Variants in DNAJC15 observed in about 807,000 individuals in gnomAD.
DNAJC15 encodes the protein dnaJ homolog subfamily C member 15.
A neutral mutation model predicts 22.4 loss-of-function variants in DNAJC15; 27 were observed. That is an observed-to-expected ratio of 1.20 (90% confidence interval 0.89 to 1.66). The LOEUF (loss-of-function observed/expected upper bound fraction) is 1.66, where lower values mean the gene tolerates loss of function less well. Ranked by LOEUF, DNAJC15 falls within the 40% of genes most tolerant of loss-of-function variation. The pLI, the probability that DNAJC15 is intolerant of heterozygous loss-of-function variation, is 0.00. For synonymous variants in DNAJC15, 79 were observed against 63.2 expected, an observed-to-expected ratio of 1.25 and a Z score of -1.19; for missense variants, 208 against 187.1, an observed-to-expected ratio of 1.11 and a Z score of -0.65.
At chr13:43,080,057 CTT>C in intron 4 of DNAJC15, among the ~76,000 whole-genome samples, 1 of 151,960 alleles carries the variant, frequency 6.6e-6, no homozygotes, top group Non-Finnish European at 1.5e-5. Context: ...ATGTGAATTT[CTT>C]TTTTTGGAAG....
At chr13:43,105,455 A>C (rs9533391) in intron 5 of DNAJC15, among the ~76,000 whole-genome samples, 37,364 of 152,078 alleles carry the variant, frequency 0.25, 4,941 homozygotes, top group Non-Finnish European at 0.31. Flanking sequence ...ATGAGGGTCA[A>C]AAGAACCAGT....
intron 1 of DNAJC15, among the ~76,000 whole-genome samples, chr13:43,028,305 C>T (rs2040389558): frequency 6.6e-6 from 1 of 152,170 alleles, no homozygotes; most frequent in African/African-American, 2.4e-5. Flanking sequence ...TGACTAGTGC[C>T]ATCATGTGCA....
rs1280648593 is a variant in DNAJC15, at chr13:43,110,651, TAGA to T, written c.*3406_*3408del. 3.9e-5 allele frequency: 6 copies of T among 152,200 alleles called. No homozygotes were observed. The highest frequency in any genetic ancestry group is 4.1e-4 in the South Asian group (2 of 4,828). 9.4% of individuals were successfully genotyped at this position (152,200 alleles called of 1,614,324 possible). A position where few individuals can be genotyped will look rare whatever the true frequency, so the allele number is the denominator to read the frequency against. On this transcript the variant is annotated 3_prime_UTR_variant, in exon 6 of 6. Coordinates refer to ENST00000379221, the MANE Select transcript of DNAJC15 (RefSeq NM_013238.3). Reference sequence around the variant, plus strand: ...GATCTCCACAACTATACCTACATAGTAGAAGGTTAAAATGTATCCCTCTTTTTC... The same window carrying T: ...GATCTCCACAACTATACCTACATAGTAGGTTAAAATGTATCCCTCTTTTTC...
At chr13:43,081,156 A>G (rs530428368) in intron 4 of DNAJC15, among the ~76,000 whole-genome samples, 1 of 152,358 alleles carries the variant, frequency 6.6e-6, no homozygotes, top group Non-Finnish European at 1.5e-5. Flanking sequence ...GTGTCCTGCA[A>G]TATGACTCAT....
At chr13:43,051,256 G>C (rs1402374201) in intron 1 of DNAJC15, among the ~76,000 whole-genome samples, 1 of 152,172 alleles carries the variant, frequency 6.6e-6, no homozygotes, top group Non-Finnish European at 1.5e-5. Flanking sequence ...GGGATTACAG[G>C]CGTGAGCCAC....
intron 1 of DNAJC15, among the ~76,000 whole-genome samples, chr13:43,054,794 A>G (rs1020334471): frequency 6.6e-6 from 1 of 152,150 alleles, no homozygotes; most frequent in Admixed American, 6.5e-5. Flanking sequence ...GACGGGGAGA[A>G]GAGAGTCCCT....
At position 43,108,271 on chromosome 13, in the gene DNAJC15, AATAGAT is replaced by A. The variant is rs1260928045; in HGVS notation, c.*1027_*1032del. On this transcript the variant is annotated 3_prime_UTR_variant, in exon 6 of 6. Coordinates refer to ENST00000379221, the MANE Select transcript of DNAJC15 (RefSeq NM_013238.3). Reference sequence around the variant, plus strand: ...TTATTCTGAGATGAGAATTAGCAGAAATAGATATATCAATCGGAGTGATTAGAGTGC... The same window carrying A: ...TTATTCTGAGATGAGAATTAGCAGAAATATCAATCGGAGTGATTAGAGTGC... 2.0e-5 allele frequency: 3 copies of A among 152,218 alleles called. No homozygotes were observed. The highest frequency in any genetic ancestry group is 4.4e-5 in the Non-Finnish European group (3 of 68,028). The allele number at this position is 152,218 out of a possible 1,614,324, so 9.4% of individuals were successfully genotyped here. A position where few individuals can be genotyped will look rare whatever the true frequency, so the allele number is the denominator to read the frequency against.
At chr13:43,107,027 A>T in intron 5 of DNAJC15, 151 bp from the exon 6 acceptor site, 2 of 580,064 alleles carry the variant, frequency 3.4e-6, no homozygotes, top group Non-Finnish European at 5.4e-6. Context: ...TTTAATTTAT[A>T]CTGTTTTGAT....
At chr13:43,038,709 A>G (rs1422017160) in intron 1 of DNAJC15, among the ~76,000 whole-genome samples, 7 of 151,574 alleles carry the variant, frequency 4.6e-5, no homozygotes, top group South Asian at 2.1e-4. Flanking sequence ...GGAGAATGGC[A>G]TGAACCCGGG....
chr13:43,058,205 TGTTGGCTTCTAGCCAG>T (rs952564863), intron 1 of DNAJC15, among the ~76,000 whole-genome samples: 4 of 152,180 alleles, frequency 2.6e-5, no homozygotes, highest in African/African-American at 9.7e-5. Flanking sequence ...GGCTTGAGTT[TGTTGGCTTCTAGCCAG>T]GAGGTAGAGC....
In DNAJC15 at chr13:43,111,174, C is replaced by T. The variant is rs1162798722; in HGVS notation, c.*3926C>T. The T allele has an allele frequency of 1.3e-5, 2 of 152,068 alleles. No homozygotes were observed. The highest frequency in any genetic ancestry group is 4.8e-5 in the African/African-American group (2 of 41,420). 9.4% of individuals were successfully genotyped at this position (152,068 alleles called of 1,614,324 possible). On this transcript the variant is annotated 3_prime_UTR_variant, in exon 6 of 6. Transcript: ENST00000379221. Reference sequence around the variant, plus strand: ...AGTTTAGTAAGGAAAAAATGTTGGGCTTGGAATACATTGTTTAGTCTTCAA... The same window carrying T: ...AGTTTAGTAAGGAAAAAATGTTGGGTTTGGAATACATTGTTTAGTCTTCAA...
intron 3 of DNAJC15, among the ~76,000 whole-genome samples, chr13:43,076,261 G>C (rs778141026): frequency 1.3e-5 from 2 of 152,172 alleles, no homozygotes; most frequent in Non-Finnish European, 2.9e-5. Flanking sequence ...TCTCTCATTT[G>C]AAAAGTGCCT....
intron 1 of DNAJC15, among the ~76,000 whole-genome samples, chr13:43,046,434 T>A (rs1314443055): frequency 6.6e-6 from 1 of 152,128 alleles, no homozygotes; most frequent in Non-Finnish European, 1.5e-5. Context: ...CTAGGCCGAC[T>A]AAGAATTCCT....
At chr13:43,065,538 C>T (rs941455010) in intron 1 of DNAJC15, 148 bp from the exon 2 acceptor site, 8 of 609,184 alleles carry the variant, frequency 1.3e-5, no homozygotes, top group Non-Finnish European at 2.3e-5. Context: ...ATCCCATAGA[C>T]ACTGCATATT....
intron 5 of DNAJC15, among the ~76,000 whole-genome samples, chr13:43,092,777 G>C (rs1407501955): frequency 1.3e-5 from 2 of 152,158 alleles, no homozygotes; most frequent in Non-Finnish European, 2.9e-5. Context: ...AGCTGGACAT[G>C]GTGGCACATG....
Position 43,067,601 on chromosome 13 carries a change from G to T in DNAJC15, c.161-1329G>T, listed in dbSNP as rs116394522. 7.4e-3 allele frequency among the ~76,000 whole-genome samples: 1,125 copies of T among 152,156 alleles called. 15 individuals are homozygous for T. Among genetic ancestry groups the T allele is most frequent in the African/African-American group, 0.025 (1,036 of 41,524 alleles). ...TATAGACCACACCATTCCCAAACTCGTATTACTGACTAGAATATTATATTA... is the reference window on the plus strand; with the variant it reads ...TATAGACCACACCATTCCCAAACTCTTATTACTGACTAGAATATTATATTA... On this transcript the variant is annotated intron_variant, in intron 2 of 5. Transcript: ENST00000379221.
intron 1 of DNAJC15, among the ~76,000 whole-genome samples, chr13:43,056,290 C>T (rs2040530988): frequency 6.6e-6 from 1 of 151,976 alleles, no homozygotes; most frequent in Admixed American, 6.5e-5. Context: ...AGGCATGCAC[C>T]ACCACGCCTG....
chr13:43,037,924 A>G (rs2040436095), intron 1 of DNAJC15, among the ~76,000 whole-genome samples: 1 of 152,198 alleles, frequency 6.6e-6, no homozygotes, highest in Admixed American at 6.5e-5. Context: ...TTTAATGAAA[A>G]TATTCTTTTT....
At chr13:43,098,376 A>T (rs1376873886) in intron 5 of DNAJC15, among the ~76,000 whole-genome samples, 1 of 152,190 alleles carries the variant, frequency 6.6e-6, no homozygotes, top group Non-Finnish European at 1.5e-5. Flanking sequence ...AGGTAATTTG[A>T]TTGAAAACTA....
Sources: gnomAD v4.1 joint callset for allele counts (sites outside exome capture counted in the v4.1 genomes callset) on GRCh38, gnomAD v4.1.1 for gene constraint, MANE v1.5 for transcripts, NCBI Gene and HGNC (gene_info 2026-07-23, HGNC 2026-07-21) for gene names.